The following SYNE2 variants were observed in gnomAD, a reference collection of about 807,000 sequenced individuals.
SYNE2 encodes the protein spectrin repeat containing nuclear envelope protein 2, also known as nesprin-2.
Under a neutral mutation model 856.3 loss-of-function variants are expected in SYNE2, and 431 were observed. The ratio of observed to expected loss-of-function variants is 0.50; its 90% CI spans 0.47 to 0.55. The LOEUF (loss-of-function observed/expected upper bound fraction) is 0.55. Ranked by LOEUF, SYNE2 falls within the 20% of genes least tolerant of loss-of-function variation. The pLI, the probability that SYNE2 is intolerant of heterozygous loss-of-function variation, is 0.00. For missense variants in SYNE2, 8,129 were observed against 8,023.2 expected (o/e 1.01, Z -0.50); for synonymous variants, 2,923 against 2,872.3 (o/e 1.02, Z -0.56).
At chr14:63,805,752 G>T (rs527969966) in intron 1 of SYNE2, among the ~76,000 whole-genome samples, 6 of 152,118 alleles carry the variant, frequency 3.9e-5, no homozygotes, top group Non-Finnish European at 7.4e-5. Flanking sequence ...ATTGTGAATG[G>T]GATTGCATTA....
intron 1 of SYNE2, among the ~76,000 whole-genome samples, chr14:63,871,035 A>C (rs1896695289): frequency 6.6e-6 from 1 of 151,970 alleles, no homozygotes; most frequent in Non-Finnish European, 1.5e-5. Context: ...GTCTTTAACC[A>C]GTTAGAATGC....
intron 45 of SYNE2, among the ~76,000 whole-genome samples, chr14:64,039,777 G>A (rs74056285): frequency 0.063 from 9,650 of 152,168 alleles, 368 homozygotes; most frequent in African/African-American, 0.096. Flanking sequence ...AATTTTAGGA[G>A]CATGGGAGAA....
chr14:64,186,336 A>G (rs2098490692), intron 96 of SYNE2, 88 bp from the exon 97 acceptor site: 22 of 1,554,252 alleles, frequency 1.4e-5, no homozygotes, highest in Middle Eastern at 1.7e-4. Flanking sequence ...CCTCCCCCAG[A>G]GTCTAATCAA....
chr14:63,926,779 C>T (rs929060826), intron 2 of SYNE2, among the ~76,000 whole-genome samples: 3 of 152,198 alleles, frequency 2.0e-5, no homozygotes, highest in African/African-American at 7.2e-5. Context: ...GTCTCCACAG[C>T]CAGTGTTCTT....
chr14:64,173,723 C>T (rs776714022), intron 94 of SYNE2, among the ~76,000 whole-genome samples: 12 of 152,052 alleles, frequency 7.9e-5, no homozygotes, highest in Non-Finnish European at 1.0e-4. Flanking sequence ...CTCGGCCACC[C>T]GAGTAGCTGG....
intron 84 of SYNE2, among the ~76,000 whole-genome samples, chr14:64,148,478 G>C (rs369766212): frequency 2.3e-4 from 35 of 152,238 alleles, no homozygotes; most frequent in African/African-American, 8.2e-4. Flanking sequence ...ATTTGCCTCT[G>C]TGCCATTACA....
chr14:63,944,037 CATTT>C lies in SYNE2; in HGVS notation c.408+1898_408+1901del, dbSNP rs376228485. On this transcript the variant is annotated intron_variant, in intron 6 of 115. Transcript: ENST00000555002. Reference sequence around the variant, plus strand: ...ATGTTAAAATTTGATAGTTCATGGTCATTTATTATTTTTTCCTATAGTTTTCTGG... The same window carrying C: ...ATGTTAAAATTTGATAGTTCATGGTCATTATTTTTTCCTATAGTTTTCTGG... Among the ~76,000 whole-genome samples, 804 of 151,568 alleles carry C rather than the reference CATTT, an allele frequency of 5.3e-3. 3 individuals carry two copies. Among genetic ancestry groups the C allele is most frequent in the African/African-American group, 0.018 (744 of 41,370 alleles).
intron 1 of SYNE2, among the ~76,000 whole-genome samples, chr14:63,867,507 G>A (rs1404808788): frequency 2.0e-5 from 3 of 151,574 alleles, no homozygotes; most frequent in Non-Finnish European, 4.4e-5. Flanking sequence ...ACACCAGCCC[G>A]GCCAACAAGG....
chr14:63,916,896 C>T (rs1595618195), intron 2 of SYNE2, among the ~76,000 whole-genome samples: 1 of 151,430 alleles, frequency 6.6e-6, no homozygotes, highest in South Asian at 2.1e-4. Context: ...CCAGCCTGGG[C>T]AATGTAGTGA....
chr14:63,901,924 TCAA>T (rs1025096004), intron 1 of SYNE2, among the ~76,000 whole-genome samples: 18 of 150,422 alleles, frequency 1.2e-4, no homozygotes, highest in Non-Finnish European at 2.1e-4. Context: ...AAACTTGTCT[TCAA>T]CAACAACAAA....
At chr14:63,861,625 CA>C (rs111291532) in intron 1 of SYNE2, among the ~76,000 whole-genome samples, 135,493 of 150,176 alleles carry the variant, frequency 0.9, 61,272 homozygotes, top group African/African-American at 0.97. Flanking sequence ...ACCCCAATCT[CA>C]AAAAAAAAAA....
rs571438304 is a variant in SYNE2 at position 63,909,238 on chromosome 14, T to C, written c.79+11T>C. On this transcript the variant is annotated intron_variant, in intron 2 of 115. Coordinates refer to ENST00000555002, the MANE Select transcript of SYNE2 (RefSeq NM_182914.3). ...ATATTTCATTGCAAGGTAATTAAGA[T>C]TGGGTGGGGGTAACACCCACAGAAA... 6 of 1,601,362 alleles carry C rather than the reference T, an allele frequency of 3.7e-6. No homozygotes were observed. The highest frequency in any genetic ancestry group is 1.3e-5 in the African/African-American group (1 of 74,278).
At chr14:63,940,545 A>G in intron 2 of SYNE2, 69 bp from the exon 3 acceptor site, 1 of 1,422,842 alleles carries the variant, frequency 7.0e-7, no homozygotes, top group Non-Finnish European at 9.9e-7. Flanking sequence ...AGACCTTTGA[A>G]GCTCTGATAT....
chr14:64,144,230 T>C (rs1482534100), intron 83 of SYNE2, among the ~76,000 whole-genome samples: 1 of 152,190 alleles, frequency 6.6e-6, no homozygotes, highest in African/African-American at 2.4e-5. Context: ...GTCAGACTCC[T>C]AAATGATCAG....
At position 64,220,521 on chromosome 14, in the gene SYNE2, C is replaced by G. The variant is rs762612890; in HGVS notation, c.19945C>G (p.Pro6649Ala). ...SSKEFLQTES[P>A]ESTELQSRLR... ...CAAGGAATTTCTGCAAACCGAGAGC[C>G]CCGAATCCACAGAGCTCCAAAGTAG... The change falls in exon 111 of 116, where the codon CCC becomes GCC. Residue 6649 changes from proline (P) to alanine (A), a missense_variant. By Grantham distance (27) the Pro-to-Ala change is conservative. This residue lies in a region of SYNE2 where 5,410 missense variants were observed against 5,284.8 expected (regional missense o/e 1.02). Coordinates refer to ENST00000555002, the MANE Select transcript of SYNE2 (RefSeq NM_182914.3). The G allele has an allele frequency of 5.1e-5, 83 of 1,614,074 alleles. No homozygotes were observed. Among genetic ancestry groups the G allele is most frequent in the Non-Finnish European group, 6.8e-5 (80 of 1,180,054 alleles).
intron 2 of SYNE2, among the ~76,000 whole-genome samples, chr14:63,932,234 T>C (rs2095766828): frequency 1.3e-5 from 2 of 151,726 alleles, no homozygotes; most frequent in Non-Finnish European, 2.9e-5. Context: ...ATACAAAAAT[T>C]AGCTGGGCGT....
rs559275579 is a variant in SYNE2, at chr14:63,924,735, GT to G, written c.79+15512del. Among the ~76,000 whole-genome samples the G allele has an allele frequency of 2.1e-5, 3 of 144,916 alleles. No individual in the cohort carries two copies. The South Asian group carries it at 6.8e-4, about 33-fold the overall frequency. ...TCTTGCAGCCTTGCTAAACACATTA[GT>G]TTTGGTATATTTTTTGTAGATACAG... On this transcript the variant is annotated intron_variant, in intron 2 of 115. Coordinates refer to ENST00000555002, the MANE Select transcript of SYNE2 (RefSeq NM_182914.3).
At chr14:64,130,797 A>G (rs1379926353) in intron 76 of SYNE2, among the ~76,000 whole-genome samples, 2 of 151,736 alleles carry the variant, frequency 1.3e-5, no homozygotes, top group Non-Finnish European at 2.9e-5. Context: ...AGGCAGGAGA[A>G]TTGCTTAAAC....
chr14:63,848,680 C>T (rs1009413978), upstream of SYNE2, among the ~76,000 whole-genome samples: 4 of 152,132 alleles, frequency 2.6e-5, no homozygotes, highest in Non-Finnish European at 4.4e-5. Context: ...TGTAAACTGA[C>T]GTCGGTTATG....
Sources: allele counts gnomAD v4.1 joint callset (sites outside exome capture counted in the v4.1 genomes callset), GRCh38; gene constraint gnomAD v4.1.1; regional missense constraint gnomAD v4.1.1; transcripts MANE v1.5; gene names NCBI Gene and HGNC (gene_info 2026-07-23, HGNC 2026-07-21).